The following TNIP3 variants were observed in gnomAD, a reference collection of about 807,000 sequenced individuals.
TNIP3 encodes TNFAIP3-interacting protein 3.
A neutral mutation model predicts 54.1 loss-of-function variants in TNIP3; 34 were observed. That is an observed-to-expected ratio of 0.63 (90% CI 0.48 to 0.84). TNIP3 has a LOEUF of 0.84. TNIP3 is among the 40% of genes least tolerant of loss of function. TNIP3 has a pLI of 0.00. For synonymous variants in TNIP3, 134 were observed against 136.8 expected (o/e 0.98, Z 0.14); for missense variants, 366 against 387.6 (o/e 0.94, Z 0.47).
At chr4:121,168,931 A>G (rs770949664), upstream of TNIP3, among the ~76,000 whole-genome samples, 5 of 152,080 alleles carry the variant, frequency 3.3e-5, no homozygotes, top group Non-Finnish European at 7.4e-5. Context: ...TAGTTATGTG[A>G]CCTTGGGCAA....
At position 121,196,840 on chromosome 4, in the gene TNIP3, A is replaced by G. The variant is rs116152933; in HGVS notation, c.69-14044T>C. Among the ~76,000 whole-genome samples, 639 of 152,214 alleles carry G rather than the reference A, an allele frequency of 4.2e-3. 5 individuals carry two copies. Among genetic ancestry groups the G allele is most frequent in the African/African-American group, 0.015 (614 of 41,566 alleles). On this transcript the variant is annotated intron_variant, in intron 2 of 12. Coordinates refer to the TNIP3 transcript ENST00000507879. ...TTGCTTCTATTTTCTTTCGATTTAT[A>G]TACGTATTTTTAAAATTGAGATTAG...
At chr4:121,151,961 C>A (rs13150702) in intron 5 of TNIP3, among the ~76,000 whole-genome samples, 35,874 of 152,040 alleles carry the variant, frequency 0.24, 4,426 homozygotes, top group Middle Eastern at 0.29. Flanking sequence ...GCTGAGTAGC[C>A]TTAGGTAATT....
chr4:121,156,946 G>A, intron 4 of TNIP3, 148 bp downstream of exon 4: 1 of 918,434 alleles, frequency 1.1e-6, no homozygotes, highest in African/African-American at 1.7e-5. Flanking sequence ...GGCTCTTGGG[G>A]ACTTGCGTAA....
At chr4:121,168,668 C>T (rs115424217), upstream of TNIP3, among the ~76,000 whole-genome samples, 1,243 of 152,104 alleles carry the variant, frequency 8.2e-3, 20 homozygotes, top group African/African-American at 0.028. Context: ...GTGTGTACAA[C>T]CACATCTGGC....
At chr4:121,135,948 A>G (rs758298685) in intron 10 of TNIP3, among the ~76,000 whole-genome samples, 1 of 152,206 alleles carries the variant, frequency 6.6e-6, no homozygotes, top group Non-Finnish European at 1.5e-5. Flanking sequence ...TAAAGGAGGC[A>G]TAGGAATCCC....
At chr4:121,199,363 C>T (rs1020792627) in intron 2 of TNIP3, among the ~76,000 whole-genome samples, 1 of 152,110 alleles carries the variant, frequency 6.6e-6, no homozygotes. Flanking sequence ...CAGCAGTTTG[C>T]ACTTAAAAGA....
intron 2 of TNIP3, among the ~76,000 whole-genome samples, chr4:121,200,539 C>CA (rs1003967072): frequency 1.3e-4 from 20 of 152,144 alleles, no homozygotes; most frequent in Non-Finnish European, 2.1e-4. Flanking sequence ...CCCCCGAGCA[C>CA]ACATACCCTG....
exon 2 of TNIP3, chr4:121,216,458 C>T (rs1441737158): frequency 5.9e-6 from 9 of 1,535,642 alleles, no homozygotes; most frequent in Non-Finnish European, 7.8e-6. Flanking sequence ...ACCAGTTTAT[C>T]GTCGTGTTTC....
At chr4:121,177,749 C>A (rs1724446132) in intron 3 of TNIP3, among the ~76,000 whole-genome samples, 1 of 152,112 alleles carries the variant, frequency 6.6e-6, no homozygotes, top group East Asian at 1.9e-4. Flanking sequence ...CTATCAATAT[C>A]TCAGCAAAAA....
In TNIP3 at chr4:121,161,202, T is replaced by C. The variant is rs1387514998; in HGVS notation, c.81A>G (p.Ser27=). 1 of 1,584,012 alleles carries C rather than the reference T, an allele frequency of 6.3e-7. No homozygotes were observed. ...GAGAATTCATCAAGTTCTTTCTTGT[T>C]GATGGTTCAGCACACTTAGAAAAAA... ...STEHKECAEP[S]TRKNLMNSLE... The change falls in exon 2 of 11, where the codon TCA becomes TCG. Residue 27 remains serine, a synonymous_variant. Transcript: ENST00000057513.
At chr4:121,138,778 C>A in intron 9 of TNIP3, 94 bp from the exon 10 acceptor site, 1 of 1,159,630 alleles carries the variant, frequency 8.6e-7, no homozygotes. Flanking sequence ...TTTTATTAAG[C>A]AGGCAACACA....
chr4:121,132,789 C>A, intron 10 of TNIP3, 127 bp from the exon 11 acceptor site: 1 of 755,334 alleles, frequency 1.3e-6, no homozygotes, highest in South Asian at 1.7e-5. Context: ...TATTCATAAG[C>A]TCCCCACAAG....
intron 3 of TNIP3, among the ~76,000 whole-genome samples, chr4:121,174,700 T>A (rs1724202611): frequency 6.6e-6 from 1 of 152,212 alleles, no homozygotes; most frequent in Admixed American, 6.5e-5. Context: ...AATTGATCTT[T>A]TTTTTGCTAC....
At chr4:121,206,527 A>G (rs889192680) in intron 2 of TNIP3, among the ~76,000 whole-genome samples, 12 of 116,136 alleles carry the variant, frequency 1.0e-4, no homozygotes, top group Admixed American at 5.6e-4. Context: ...GAGATGTTAC[A>G]TTTGTATATA....
chr4:121,197,790 G>A (rs143586633), intron 2 of TNIP3, among the ~76,000 whole-genome samples: 347 of 152,064 alleles, frequency 2.3e-3, no homozygotes, highest in African/African-American at 7.9e-3. Flanking sequence ...GAGAAATGAA[G>A]ATTGTTGGTA....
intron 3 of TNIP3, among the ~76,000 whole-genome samples, chr4:121,182,042 T>G (rs1259385571): frequency 6.7e-6 from 1 of 150,324 alleles, no homozygotes; most frequent in African/African-American, 2.4e-5. Context: ...CACATTAGAT[T>G]TTTTTTTTTA....
At chr4:121,158,836 T>G (rs2148813334) in intron 2 of TNIP3, 84 bp from the exon 3 acceptor site, 1 of 1,137,800 alleles carries the variant, frequency 8.8e-7, no homozygotes, top group African/African-American at 1.6e-5. Context: ...TTTCTGAGCT[T>G]ATTAAGGTTT....
chr4:121,216,552 G>C, intron 1 of TNIP3: 2 of 1,530,346 alleles, frequency 1.3e-6, no homozygotes, highest in South Asian at 1.2e-5. Context: ...GTCAAGGGAA[G>C]TTAACTATGT....
rs116108534 is a variant in TNIP3, at chr4:121,185,257, T to C, written c.69-2461A>G. Among the ~76,000 whole-genome samples, 655 of 152,348 alleles carry C rather than the reference T, an allele frequency of 4.3e-3. 6 individuals are homozygous for C. The highest frequency in any genetic ancestry group is 0.015 in the African/African-American group (627 of 41,582). Reference sequence around the variant, plus strand: ...TTGCATCGTCAAACTTTATGGAACATGCCAAGCAGTTCCCACTCCAGGCCT... The same window carrying C: ...TTGCATCGTCAAACTTTATGGAACACGCCAAGCAGTTCCCACTCCAGGCCT... On this transcript the variant is annotated intron_variant, in intron 2 of 12. Transcript: ENST00000507879.
Sources: allele counts gnomAD v4.1 joint callset (sites outside exome capture counted in the v4.1 genomes callset), GRCh38; gene constraint gnomAD v4.1.1; transcripts MANE v1.5; gene names NCBI Gene and HGNC (gene_info 2026-07-23, HGNC 2026-07-21).